The following CCM2 variants were observed in gnomAD, a reference collection of about 807,000 sequenced individuals.
The protein encoded by CCM2 is cerebral cavernous malformations 2 protein.
In CCM2, 25 loss-of-function variants were observed where a neutral mutation model predicts 44.9. That is an observed-to-expected ratio of 0.56 (90% CI 0.41 to 0.78). The LOEUF is 0.78. Among genes scored for constraint, CCM2 ranks in the 30% least tolerant of loss-of-function variants. CCM2 has a pLI of 0.00. For synonymous variants in CCM2, 219 were observed against 241.1 expected, an observed-to-expected ratio of 0.91 and a Z score of 0.85; for missense variants, 481 against 580.6, an observed-to-expected ratio of 0.83 and a Z score of 1.76.
At position 45,033,933 on chromosome 7, in the gene CCM2, G is replaced by A. The variant is rs1797087265; in HGVS notation, c.31-4320G>A. Among the ~76,000 whole-genome samples the A allele has an allele frequency of 2.0e-5, 3 of 152,232 alleles. No individual in the cohort carries two copies. In the South Asian group the frequency reaches 6.2e-4, roughly 32 times the overall value. Reference sequence around the variant, plus strand: ...AAAATTGCATCACTAAATTTTGAGGGCCGTTTTTAACTTACAGTTTACCAT... The same window carrying A: ...AAAATTGCATCACTAAATTTTGAGGACCGTTTTTAACTTACAGTTTACCAT... On this transcript the variant is annotated intron_variant, in intron 1 of 9. Transcript: ENST00000258781.
intron 1 of CCM2, among the ~76,000 whole-genome samples, chr7:45,012,067 G>GT (rs1562858902): frequency 6.7e-6 from 1 of 148,932 alleles, no homozygotes; most frequent in Non-Finnish European, 1.5e-5. Context: ...CCTTTAGTTA[G>GT]TTTTGGCTTC....
At chr7:45,016,718 C>T (rs570354601) in intron 1 of CCM2, among the ~76,000 whole-genome samples, 65 of 137,418 alleles carry the variant, frequency 4.7e-4, no homozygotes, top group East Asian at 1.1e-3. Context: ...CTGCAACCTC[C>T]GCCTCCCAGG....
At chr7:45,073,603 A>T in intron 8 of CCM2, 32 bp downstream of exon 8, 8 of 1,434,958 alleles carry the variant, frequency 5.6e-6, no homozygotes, top group Non-Finnish European at 7.8e-6. Context: ...GCTGGGCTGC[A>T]TGAGGGAGGG....
intron 1 of CCM2, among the ~76,000 whole-genome samples, chr7:45,023,983 T>C (rs1796590416): frequency 6.6e-6 from 1 of 152,014 alleles, no homozygotes; most frequent in African/African-American, 2.4e-5. Flanking sequence ...GCTAATTTTG[T>C]ATTTTTAGTA....
Position 45,076,332 on chromosome 7 carries a change from C to T in CCM2, c.*275C>T, listed in dbSNP as rs1203159410. Reference sequence around the variant, plus strand: ...CCCGCTCGGGGAGGGCCCGGCCGAGCGGGCAGGGAGAGCCAGTCCTGTCGG... The same window carrying T: ...CCCGCTCGGGGAGGGCCCGGCCGAGTGGGCAGGGAGAGCCAGTCCTGTCGG... On this transcript the variant is annotated 3_prime_UTR_variant, in exon 10 of 10. Coordinates refer to ENST00000258781, the MANE Select transcript of CCM2 (RefSeq NM_031443.4). 3.2e-5 allele frequency: 20 copies of T among 629,416 alleles called. No homozygotes were observed. The highest frequency in any genetic ancestry group is 8.5e-5 in the Admixed American group (4 of 47,130). 39.0% of individuals were successfully genotyped at this position (629,416 alleles called of 1,614,324 possible). A position where few individuals can be genotyped will look rare whatever the true frequency, so the allele number is the denominator to read the frequency against.
At chr7:45,028,017 GT>G (rs986511237) in intron 1 of CCM2, among the ~76,000 whole-genome samples, 77 of 152,310 alleles carry the variant, frequency 5.1e-4, no homozygotes, top group African/African-American at 1.8e-3. Flanking sequence ...GAGAAGTGCC[GT>G]TCCACCCAGG....
At chr7:45,027,545 G>T (rs1317275740) in intron 1 of CCM2, 1 of 1,375,492 alleles carries the variant, frequency 7.3e-7, no homozygotes, top group African/African-American at 1.4e-5. Context: ...ACAGTTTCTG[G>T]GTGCTGCCTG....
At position 45,068,440 on chromosome 7, in the gene CCM2, C is replaced by T; in HGVS notation, c.473-3C>T. 6.2e-7 allele frequency: 1 copy of T among 1,614,100 alleles called. No homozygotes were observed. Among genetic ancestry groups the T allele is most frequent in the Non-Finnish European group, 8.5e-7 (1 of 1,180,028 alleles). On this transcript the variant is annotated splice_polypyrimidine_tract_variant and splice_region_variant and intron_variant, in intron 4 of 9. Transcript: ENST00000258781. ...CTAAACTGAGATGGTGTTGACTTCT[C>T]AGCCCAGGACCCAGGGATCTCCCCC...
chr7:45,054,980 T>G (rs1174343535), intron 2 of CCM2, among the ~76,000 whole-genome samples: 3 of 152,222 alleles, frequency 2.0e-5, no homozygotes, highest in African/African-American at 7.2e-5. Flanking sequence ...AAAAGTTGTT[T>G]TCCTACTATA....
intron 6 of CCM2, 113 bp downstream of exon 6, chr7:45,070,074 TGGTG>T: frequency 7.2e-7 from 1 of 1,388,214 alleles, no homozygotes; most frequent in Middle Eastern, 2.1e-4. Context: ...TGCCGTGACA[TGGTG>T]GCCTTTTGTT....
At chr7:45,059,758 A>C (rs544165680) in intron 2 of CCM2, among the ~76,000 whole-genome samples, 2 of 152,170 alleles carry the variant, frequency 1.3e-5, no homozygotes, top group Non-Finnish European at 2.9e-5. Context: ...ATGTGTGTAT[A>C]TATATATATT....
chr7:45,042,093 G>A (rs1797533530), intron 2 of CCM2, among the ~76,000 whole-genome samples: 2 of 152,024 alleles, frequency 1.3e-5, no homozygotes, highest in Non-Finnish European at 2.9e-5. Context: ...GACCAACATG[G>A]TGAAACCCCA....
chr7:45,004,861 G>A (rs1465878164), intron 1 of CCM2, among the ~76,000 whole-genome samples: 2 of 152,018 alleles, frequency 1.3e-5, no homozygotes, highest in African/African-American at 4.8e-5. Flanking sequence ...GCTGAGCGTG[G>A]TGGTGGGGCC....
chr7:45,059,397 A>G (rs1003027511), intron 2 of CCM2, among the ~76,000 whole-genome samples: 43 of 151,302 alleles, frequency 2.8e-4, no homozygotes, highest in African/African-American at 9.7e-4. Context: ...AGCCTAGGCA[A>G]TGTGGCGAAA....
chr7:45,013,627 C>G (rs1796148969), intron 1 of CCM2, among the ~76,000 whole-genome samples: 1 of 152,182 alleles, frequency 6.6e-6, no homozygotes. Flanking sequence ...TGACCCCACC[C>G]AGACTTGCTG....
At chr7:45,006,406 C>T (rs1375042293) in intron 1 of CCM2, among the ~76,000 whole-genome samples, 1 of 150,998 alleles carries the variant, frequency 6.6e-6, no homozygotes, top group Non-Finnish European at 1.5e-5. Context: ...TGCAGTGGTG[C>T]AATCTTGGCT....
Position 45,076,016 on chromosome 7 carries a change from A to T in CCM2, c.1294A>T (p.Ile432Phe). The T allele has an allele frequency of 1.2e-6, 2 of 1,613,074 alleles. No individual in the cohort carries two copies. The highest frequency in any genetic ancestry group is 1.7e-6 in the Non-Finnish European group (2 of 1,180,022). The change falls in exon 10 of 10, where the codon ATT becomes TTT. Residue 432 changes from isoleucine to phenylalanine, a missense_variant. Transcript: ENST00000258781. ...CATGATCTCGGACATCAGCAGCGAC[A>T]TTGAGGCGCTGGGCTGCAGCATGGA... ...DRMISDISSD[I>F]EALGCSMDQD...
chr7:45,058,966 A>G (rs1798398721), intron 2 of CCM2, among the ~76,000 whole-genome samples: 1 of 151,412 alleles, frequency 6.6e-6, no homozygotes, highest in Middle Eastern at 3.2e-3. Context: ...GCTGGTCTCA[A>G]ACTCCTGACC....
chr7:45,059,812 T>G (rs1283094506), intron 2 of CCM2, among the ~76,000 whole-genome samples: 2 of 152,240 alleles, frequency 1.3e-5, no homozygotes, highest in African/African-American at 4.8e-5. Flanking sequence ...CATTCACAAC[T>G]AATCAAAATC....
Sources: allele counts gnomAD v4.1 joint callset (sites outside exome capture counted in the v4.1 genomes callset), GRCh38; gene constraint gnomAD v4.1.1; transcripts MANE v1.5; gene names NCBI Gene and HGNC (gene_info 2026-07-23, HGNC 2026-07-21).